The following COX7B2 variants were observed in gnomAD, a reference collection of about 807,000 sequenced individuals.
The protein encoded by COX7B2 is cytochrome c oxidase subunit 7B2, mitochondrial.
For synonymous variants in COX7B2, 37 were observed against 32.1 expected (o/e 1.15, Z -0.51); for missense variants, 109 against 95.9 (o/e 1.14, Z -0.57).
intron 2 of COX7B2, among the ~76,000 whole-genome samples, chr4:46,816,216 G>T (rs1031435180): frequency 2.0e-5 from 3 of 152,160 alleles, no homozygotes; most frequent in Non-Finnish European, 2.9e-5. Flanking sequence ...ACCTTGATAT[G>T]GTCAAATCTT....
rs181705296 is a variant in COX7B2 at position 46,753,837 on chromosome 4, A to C, written c.-49-18596T>G. 1.2e-3 allele frequency among the ~76,000 whole-genome samples: 186 copies of C among 152,326 alleles called. 1 individual carries two copies. Among genetic ancestry groups the C allele is most frequent in the African/African-American group, 4.2e-3 (176 of 41,580 alleles). On this transcript the variant is annotated intron_variant, in intron 2 of 2. Coordinates refer to ENST00000355591, the MANE Select transcript of COX7B2 (RefSeq NM_130902.3). ...CATCTGACAAAGGGCTAATATCCAG[A>C]ATCTACAATGAACTCAACAAATTTA...
intron 2 of COX7B2, among the ~76,000 whole-genome samples, chr4:46,830,197 G>A (rs1714974652): frequency 6.6e-6 from 1 of 151,826 alleles, no homozygotes; most frequent in East Asian, 1.9e-4. Flanking sequence ...GGTGGTGTGT[G>A]CCTGTAATCC....
At chr4:46,792,566 C>CGGT (rs1246387579) in intron 2 of COX7B2, among the ~76,000 whole-genome samples, 1 of 152,190 alleles carries the variant, frequency 6.6e-6, no homozygotes, top group East Asian at 1.9e-4. Context: ...CTTACACTAT[C>CGGT]GGTGCTCCTA....
intron 2 of COX7B2, among the ~76,000 whole-genome samples, chr4:46,808,576 T>A (rs1719124266): frequency 6.6e-6 from 1 of 151,912 alleles, no homozygotes; most frequent in Admixed American, 6.6e-5. Flanking sequence ...AGTACTATAT[T>A]TAATAGATGT....
intron 2 of COX7B2, among the ~76,000 whole-genome samples, chr4:46,764,418 G>T (rs866585585): frequency 2.0e-4 from 30 of 151,958 alleles, no homozygotes; most frequent in African/African-American, 7.0e-4. Context: ...GGTGGTGGGT[G>T]CCTGTAATCC....
intron 2 of COX7B2, among the ~76,000 whole-genome samples, chr4:46,825,601 C>CCTCA (rs1714629256): frequency 6.6e-6 from 1 of 152,122 alleles, no homozygotes; most frequent in African/African-American, 2.4e-5. Context: ...AGGAACAAAG[C>CCTCA]TGGAGGCATG....
chr4:46,864,741 TTCACGCCATTCTCCTGCCTC>T (rs1717553055), intron 1 of COX7B2, among the ~76,000 whole-genome samples: 1 of 151,634 alleles, frequency 6.6e-6, no homozygotes, highest in African/African-American at 2.4e-5. Context: ...ACCTCCCGGG[TTCACGCCATTCTCCTGCCTC>T]AGCCTCCTGA....
At chr4:46,842,666 C>T (rs983436495) in intron 2 of COX7B2, among the ~76,000 whole-genome samples, 72 of 151,678 alleles carry the variant, frequency 4.7e-4, no homozygotes, top group South Asian at 2.1e-4. Flanking sequence ...GTTTTTTGTC[C>T]TTGCGATAGT....
intron 2 of COX7B2, among the ~76,000 whole-genome samples, chr4:46,774,662 T>C (rs1412568507): frequency 6.6e-6 from 1 of 152,028 alleles, no homozygotes; most frequent in Non-Finnish European, 1.5e-5. Context: ...TTTATTTTTT[T>C]CTCTTTCTCT....
chr4:46,746,578 G>C (rs557779443), intron 2 of COX7B2, among the ~76,000 whole-genome samples: 11 of 152,180 alleles, frequency 7.2e-5, no homozygotes, highest in Non-Finnish European at 1.2e-4. Context: ...AGAGAGACCA[G>C]TGGACTAGAT....
chr4:46,830,823 T>G (rs1277169032), intron 2 of COX7B2, among the ~76,000 whole-genome samples: 1 of 152,234 alleles, frequency 6.6e-6, no homozygotes, highest in African/African-American at 2.4e-5. Flanking sequence ...GGCATTAATG[T>G]ACAGTCATCT....
intron 2 of COX7B2, among the ~76,000 whole-genome samples, chr4:46,755,208 G>A (rs1296988127): frequency 6.6e-6 from 1 of 151,930 alleles, no homozygotes; most frequent in African/African-American, 2.4e-5. Flanking sequence ...CTCAGTAGAT[G>A]AATAAAAAGT....
intron 2 of COX7B2, among the ~76,000 whole-genome samples, chr4:46,832,530 A>T (rs890093558): frequency 2.0e-5 from 3 of 152,158 alleles, no homozygotes; most frequent in African/African-American, 7.2e-5. Flanking sequence ...GACAAGGTAA[A>T]AGTTAAAACT....
intron 2 of COX7B2, among the ~76,000 whole-genome samples, chr4:46,802,325 C>T (rs576143772): frequency 6.6e-5 from 10 of 152,146 alleles, no homozygotes; most frequent in South Asian, 4.1e-4. Context: ...AGGAAATATA[C>T]GGAACTAAAC....
intron 1 of COX7B2, among the ~76,000 whole-genome samples, chr4:46,882,226 T>C (rs1238091978): frequency 2.0e-5 from 3 of 152,154 alleles, no homozygotes; most frequent in Non-Finnish European, 4.4e-5. Context: ...TGTGGTCAAT[T>C]TTAGAGTATG....
chr4:46,832,966 CGTG>C (rs1715258704), intron 2 of COX7B2, among the ~76,000 whole-genome samples: 4 of 151,710 alleles, frequency 2.6e-5, no homozygotes, highest in Admixed American at 2.6e-4. Context: ...AGTGCAAAGG[CGTG>C]ATCTTGGCTT....
chr4:46,810,972 C>A (rs1316978096), intron 2 of COX7B2, among the ~76,000 whole-genome samples: 2 of 152,108 alleles, frequency 1.3e-5, no homozygotes, highest in Non-Finnish European at 2.9e-5. Flanking sequence ...AATATAATTC[C>A]ATTCTCTCCT....
chr4:46,790,411 T>A (rs1189014387), intron 2 of COX7B2, among the ~76,000 whole-genome samples: 1 of 152,214 alleles, frequency 6.6e-6, no homozygotes, highest in Non-Finnish European at 1.5e-5. Context: ...TTGAATTATA[T>A]GTTTTTGAGC....
chr4:46,765,694 C>T (rs1716491956), intron 2 of COX7B2, among the ~76,000 whole-genome samples: 2 of 152,010 alleles, frequency 1.3e-5, no homozygotes, highest in Admixed American at 1.3e-4. Context: ...CCGATGTGGC[C>T]CCAGGCACAT....
Sources: allele counts gnomAD v4.1 joint callset (sites outside exome capture counted in the v4.1 genomes callset), GRCh38; gene constraint gnomAD v4.1.1; transcripts MANE v1.5; gene names NCBI Gene and HGNC (gene_info 2026-07-23, HGNC 2026-07-21).